OTUD7A: variants seen among roughly 807,000 people sequenced by gnomAD.
OTUD7A encodes the protein OTU deubiquitinase 7A, also known as OTU domain-containing protein 7A.
Under a neutral mutation model 65.7 loss-of-function variants are expected in OTUD7A, and 12 were observed. The ratio of observed to expected loss-of-function variants is 0.18; its 90% CI spans 0.12 to 0.30. OTUD7A has a LOEUF of 0.30. Among genes scored for constraint, OTUD7A ranks in the 10% least tolerant of loss-of-function variants. The probability of loss-of-function intolerance (pLI) is 1.00; values close to 1 mark genes in which losing one functional copy is unlikely to be tolerated. For missense variants in OTUD7A, 1,148 were observed against 1,304.8 expected (o/e 0.88, Z 1.85); for synonymous variants, 641 against 586.3 (o/e 1.09, Z -1.35).
chr15:31,850,501 T>C (rs563698583), intron 1 of OTUD7A, among the ~76,000 whole-genome samples: 1 of 151,972 alleles, frequency 6.6e-6, no homozygotes, highest in Non-Finnish European at 1.5e-5. Context: ...ATGGCACACA[T>C]ATACATATGT....
At chr15:31,739,508 G>C (rs557557282) in intron 1 of OTUD7A, among the ~76,000 whole-genome samples, 9 of 152,236 alleles carry the variant, frequency 5.9e-5, no homozygotes, top group Non-Finnish European at 1.0e-4. Flanking sequence ...CATTTCTATG[G>C]TAATGTTAAC....
chr15:31,823,004 G>C (rs953087295), intron 1 of OTUD7A, among the ~76,000 whole-genome samples: 2 of 152,220 alleles, frequency 1.3e-5, no homozygotes, highest in Non-Finnish European at 2.9e-5. Flanking sequence ...AATTTGGCCT[G>C]TGGGGCATGC....
At chr15:31,653,985 T>G (rs1409458156) in intron 3 of OTUD7A, among the ~76,000 whole-genome samples, 1 of 98,670 alleles carries the variant, frequency 1.0e-5, no homozygotes, top group African/African-American at 4.0e-5. Context: ...AAGCTCAACA[T>G]AGAAGAAATC....
chr15:31,543,712 T>C (rs550868934), intron 5 of OTUD7A, among the ~76,000 whole-genome samples: 1 of 151,996 alleles, frequency 6.6e-6, no homozygotes, highest in East Asian at 1.9e-4. Flanking sequence ...ATCAGTTTAA[T>C]TGCTGTATTC....
chr15:31,546,760 T>C (rs1170678684), intron 5 of OTUD7A, among the ~76,000 whole-genome samples: 1 of 152,254 alleles, frequency 6.6e-6, no homozygotes, highest in East Asian at 1.9e-4. Flanking sequence ...AATACATGTA[T>C]ATACATTGCA....
intron 1 of OTUD7A, among the ~76,000 whole-genome samples, chr15:31,804,424 T>C (rs1394650806): frequency 6.6e-6 from 1 of 152,088 alleles, no homozygotes; most frequent in Non-Finnish European, 1.5e-5. Context: ...TCCCTGAAGT[T>C]CAGGGCTGGC....
chr15:31,693,478 G>T (rs1163530770), intron 1 of OTUD7A, among the ~76,000 whole-genome samples: 1 of 151,840 alleles, frequency 6.6e-6, no homozygotes, highest in African/African-American at 2.4e-5. Flanking sequence ...TTAATCCTGG[G>T]GAGAACAGTA....
chr15:31,591,618 C>T (rs908281018), intron 3 of OTUD7A, among the ~76,000 whole-genome samples: 13 of 152,132 alleles, frequency 8.5e-5, no homozygotes, highest in African/African-American at 2.9e-4. Flanking sequence ...GACTGCAGGT[C>T]GTGAGACTTC....
chr15:31,501,767 G>A lies in OTUD7A; in HGVS notation c.1094C>T (p.Pro365Leu). 6.2e-7 allele frequency: 1 copy of A among 1,614,200 alleles called. No homozygotes were observed. The highest frequency in any genetic ancestry group is 8.5e-7 in the Non-Finnish European group (1 of 1,180,008). ...GGCTTGATCATAGGCCAGAACCAGAGGCGAGCAGTGGCATCTGTTGGGAGG... is the reference window on the plus strand; with the variant it reads ...GGCTTGATCATAGGCCAGAACCAGAAGCGAGCAGTGGCATCTGTTGGGAGG... ...EVPPNRCHCS[P>L]LVLAYDQAHF... Residue 365 changes from proline (P) to leucine (L), a missense_variant, in exon 10 of 13, where the codon CCT becomes CTT. Pro to Leu is a moderately conservative substitution (Grantham distance 98). Transcript: ENST00000307050.
intron 5 of OTUD7A, among the ~76,000 whole-genome samples, chr15:31,546,026 T>C (rs1187656779): frequency 6.6e-6 from 1 of 152,176 alleles, no homozygotes; most frequent in Admixed American, 6.5e-5. Context: ...ATGGATGAAA[T>C]GATGTAGGCA....
At chr15:31,584,993 T>C (rs942474891) in intron 3 of OTUD7A, among the ~76,000 whole-genome samples, 2 of 152,214 alleles carry the variant, frequency 1.3e-5, no homozygotes, top group Non-Finnish European at 2.9e-5. Context: ...GTGAGTGAGC[T>C]AGATGGCAAA....
intron 1 of OTUD7A, chr15:31,689,357 A>T (rs1360542912): frequency 6.6e-6 from 1 of 151,168 alleles, no homozygotes; most frequent in African/African-American, 2.5e-5. Flanking sequence ...CACAGGACTT[A>T]CTTTTCAGAC....
chr15:31,654,891 T>C (rs1420173260), intron 3 of OTUD7A, among the ~76,000 whole-genome samples: 3 of 152,222 alleles, frequency 2.0e-5, no homozygotes, highest in Admixed American at 6.5e-5. Flanking sequence ...TTTTCTTGAA[T>C]GTTTTATAAT....
intron 1 of OTUD7A, among the ~76,000 whole-genome samples, chr15:31,720,908 C>T (rs1374799419): frequency 4.0e-5 from 6 of 151,126 alleles, no homozygotes; most frequent in Non-Finnish European, 7.4e-5. Context: ...TTATCTTTTA[C>T]GCTGTATTTT....
chr15:31,629,275 C>T (rs1891065588), intron 3 of OTUD7A, among the ~76,000 whole-genome samples: 1 of 152,090 alleles, frequency 6.6e-6, no homozygotes, highest in African/African-American at 2.4e-5. Flanking sequence ...CAATCAATAC[C>T]TAATTTATTG....
At chr15:31,583,520 G>A (rs933344393) in intron 3 of OTUD7A, among the ~76,000 whole-genome samples, 1 of 151,968 alleles carries the variant, frequency 6.6e-6, no homozygotes, top group Non-Finnish European at 1.5e-5. Context: ...ATTGAATCAT[G>A]GGGGTGGTTT....
intron 4 of OTUD7A, among the ~76,000 whole-genome samples, chr15:31,561,300 T>C (rs1888680827): frequency 6.6e-6 from 1 of 152,206 alleles, no homozygotes; most frequent in Non-Finnish European, 1.5e-5. Flanking sequence ...GAGGCTTGTG[T>C]CTTTCTGCCT....
chr15:31,637,816 G>C (rs1266350906), intron 3 of OTUD7A, among the ~76,000 whole-genome samples: 1 of 152,170 alleles, frequency 6.6e-6, no homozygotes, highest in African/African-American at 2.4e-5. Flanking sequence ...AAGAGAACTG[G>C]AATTAGAAGT....
intron 1 of OTUD7A, among the ~76,000 whole-genome samples, chr15:31,678,668 G>A (rs2141303070): frequency 6.6e-6 from 1 of 152,314 alleles, no homozygotes; most frequent in East Asian, 1.9e-4. Flanking sequence ...GTCAAGAATT[G>A]AGGTTAACCT....
Sources: gnomAD v4.1 joint callset for allele counts (sites outside exome capture counted in the v4.1 genomes callset) on GRCh38, gnomAD v4.1.1 for gene constraint, MANE v1.5 for transcripts, NCBI Gene and HGNC (gene_info 2026-07-23, HGNC 2026-07-21) for gene names.